The following PTPRE variants were observed in gnomAD, a reference collection of about 807,000 sequenced individuals.
PTPRE encodes receptor-type tyrosine-protein phosphatase epsilon.
PTPRE carries 51 observed loss-of-function variants against 102.0 expected under a neutral mutation model. That is an observed-to-expected ratio of 0.50 (90% confidence interval 0.40 to 0.63). PTPRE has a LOEUF of 0.63. PTPRE is among the 30% of genes least tolerant of loss of function. PTPRE has a pLI of 0.00. For synonymous variants in PTPRE, 345 were observed against 348.2 expected, an observed-to-expected ratio of 0.99 and a Z score of 0.10; for missense variants, 752 against 915.1, an observed-to-expected ratio of 0.82 and a Z score of 2.30.
Position 128,070,461 on chromosome 10 carries a change from C to T in PTPRE, c.1293+11C>T. 6.2e-7 allele frequency: 1 copy of T among 1,610,486 alleles called. No individual in the cohort carries two copies. Among genetic ancestry groups the T allele is most frequent in the South Asian group, 1.1e-5 (1 of 90,156 alleles). On this transcript the variant is annotated intron_variant, in intron 14 of 20. Transcript: ENST00000254667. This position sits in a 1 kb window ranked among gnomAD's most constrained non-coding sequence, Gnocchi z 4.8. ...GAGGAGGAGTTCAGGGTGAGTACAG[C>T]TGACCCTCCTCTCCATCCTGGTGTA...
chr10:127,932,622 C>G (rs1262924031), intron 1 of PTPRE, among the ~76,000 whole-genome samples: 1 of 152,186 alleles, frequency 6.6e-6, no homozygotes, highest in Non-Finnish European at 1.5e-5. Flanking sequence ...CGCCTGTGCT[C>G]TTTTGCAGCT....
chr10:127,999,946 G>A, intron 2 of PTPRE: 1 of 985,464 alleles, frequency 1.0e-6, no homozygotes, highest in Non-Finnish European at 1.2e-6. Context: ...AGGGGCTACT[G>A]AGAACGCGGT....
intron 2 of PTPRE, among the ~76,000 whole-genome samples, chr10:128,023,836 C>T (rs916532555): frequency 3.3e-5 from 5 of 152,186 alleles, no homozygotes; most frequent in South Asian, 2.1e-4. Flanking sequence ...GGCACGCTTT[C>T]GTGATCATAA....
chr10:127,922,253 C>A (rs1468666032), intron 1 of PTPRE, among the ~76,000 whole-genome samples: 1 of 152,240 alleles, frequency 6.6e-6, no homozygotes, highest in African/African-American at 2.4e-5. Context: ...TCATTTAACA[C>A]ATGTGAATGG....
chr10:128,077,632 G>A lies in PTPRE; in HGVS notation c.1741G>A (p.Glu581Lys). The change falls in exon 19 of 21, where the codon GAG becomes AAG. Residue 581 changes from glutamate to lysine, a missense_variant. Around this residue, in one of 2 missense-constraint regions of PTPRE, gnomAD observed 636 missense variants for 824.4 expected, o/e 0.77. Transcript: ENST00000254667. ...VTLNQPQARQ[E>K]EQVRVVRQFH... ...CTCCCTGCAGCCCCAGGCCCGCCAG[G>A]AGGAGCAGGTCCGAGTAGTGCGCCA... 2 of 1,609,632 alleles carry A rather than the reference G, an allele frequency of 1.2e-6. No individual in the cohort carries two copies. The highest frequency in any genetic ancestry group is 1.1e-5 in the South Asian group (1 of 90,946).
intron 2 of PTPRE, chr10:127,999,581 G>A (rs1216314139): frequency 3.0e-6 from 3 of 985,356 alleles, no homozygotes; most frequent in African/African-American, 3.5e-5. Context: ...GAGCACGCAG[G>A]TTGCACTGTT....
chr10:128,079,102 A>G (rs141751223), intron 19 of PTPRE, among the ~76,000 whole-genome samples: 23 of 152,254 alleles, frequency 1.5e-4, no homozygotes, highest in Non-Finnish European at 3.1e-4. Flanking sequence ...CCTCCCTTTC[A>G]GCATCACCTG....
intron 1 of PTPRE, among the ~76,000 whole-genome samples, chr10:127,929,915 G>C (rs970593531): frequency 6.6e-6 from 1 of 151,902 alleles, no homozygotes; most frequent in Non-Finnish European, 1.5e-5. Flanking sequence ...AAATTAACCA[G>C]ATGTGATGGT....
chr10:127,952,989 A>G (rs1364433835), intron 1 of PTPRE, among the ~76,000 whole-genome samples: 1 of 152,200 alleles, frequency 6.6e-6, no homozygotes, highest in Admixed American at 6.5e-5. Flanking sequence ...GCATGTCAAG[A>G]TATCCCTTCT....
intron 1 of PTPRE, among the ~76,000 whole-genome samples, chr10:127,956,103 T>G (rs1292031293): frequency 6.6e-6 from 1 of 152,212 alleles, no homozygotes; most frequent in Non-Finnish European, 1.5e-5. Flanking sequence ...GGTGAAACTA[T>G]TACCTTATTA....
chr10:128,076,038 G>A (rs970614491), intron 17 of PTPRE, among the ~76,000 whole-genome samples: 1 of 152,222 alleles, frequency 6.6e-6, no homozygotes, highest in Non-Finnish European at 1.5e-5. Context: ...AGAAGTGAAT[G>A]TTACTGTAAT....
At chr10:128,052,905 G>A (rs888996171) in intron 6 of PTPRE, among the ~76,000 whole-genome samples, 1 of 152,126 alleles carries the variant, frequency 6.6e-6, no homozygotes, top group Non-Finnish European at 1.5e-5. Flanking sequence ...CTGCCTGCCC[G>A]ACACTACCGA....
intron 1 of PTPRE, among the ~76,000 whole-genome samples, chr10:127,927,408 A>G (rs557069475): frequency 6.6e-6 from 1 of 152,324 alleles, no homozygotes; most frequent in East Asian, 1.9e-4. Context: ...ATAGTGGGTA[A>G]TGGTGGATCC....
intron 1 of PTPRE, among the ~76,000 whole-genome samples, chr10:127,911,637 CT>C (rs559958952): frequency 7.4e-4 from 112 of 152,340 alleles, no homozygotes; most frequent in African/African-American, 2.5e-3. Flanking sequence ...GATTTCACCC[CT>C]TCCCCACCAC....
rs1311175555 is a variant in PTPRE at position 128,068,291 on chromosome 10, G to A, written c.1007+5G>A. On this transcript the variant is annotated splice_donor_5th_base_variant and intron_variant, in intron 12 of 20. Coordinates refer to ENST00000254667, the MANE Select transcript of PTPRE (RefSeq NM_006504.6). ...GCCCATCGTGGTCCACTGTAGGTAC[G>A]CTGTGGGGGCCACGGGGCGGGACCC... 1.9e-6 allele frequency: 3 copies of A among 1,609,258 alleles called. No individual in the cohort carries two copies. Among genetic ancestry groups the A allele is most frequent in the Non-Finnish European group, 2.5e-6 (3 of 1,176,734 alleles).
chr10:128,046,431 G>A (rs1440298044), intron 3 of PTPRE, among the ~76,000 whole-genome samples: 3 of 152,196 alleles, frequency 2.0e-5, no homozygotes, highest in Non-Finnish European at 4.4e-5. Flanking sequence ...GCCTTCGAGG[G>A]GCTTCCCCAG....
chr10:128,043,851 G>A (rs7894348), intron 3 of PTPRE, among the ~76,000 whole-genome samples: 49,892 of 152,080 alleles, frequency 0.33, 8,491 homozygotes, highest in Non-Finnish European at 0.36. Context: ...ACAGACAGCC[G>A]TACCAGAAAA....
chr10:127,956,107 C>T (rs1849385087), intron 1 of PTPRE, among the ~76,000 whole-genome samples: 1 of 152,086 alleles, frequency 6.6e-6, no homozygotes, highest in Admixed American at 6.5e-5. Context: ...AAACTATTAC[C>T]TTATTATTAT....
chr10:128,015,606 T>C (rs1460315015), intron 2 of PTPRE, among the ~76,000 whole-genome samples: 1 of 152,160 alleles, frequency 6.6e-6, no homozygotes, highest in Non-Finnish European at 1.5e-5. Context: ...GACTTCGTGA[T>C]CCACCCGCCT....
Sources: allele counts gnomAD v4.1 joint callset (sites outside exome capture counted in the v4.1 genomes callset), GRCh38; gene constraint gnomAD v4.1.1; regional missense constraint gnomAD v4.1.1; non-coding constraint Gnocchi (gnomAD v3.1); transcripts MANE v1.5; gene names NCBI Gene and HGNC (gene_info 2026-07-23, HGNC 2026-07-21).